Variants in ZBTB7C observed in about 807,000 individuals in gnomAD.
The protein encoded by ZBTB7C is zinc finger and BTB domain-containing protein 7C.
ZBTB7C carries 8 observed loss-of-function variants against 25.7 expected under a neutral mutation model. The ratio of observed to expected loss-of-function variants is 0.31; its 90% CI spans 0.18 to 0.56. ZBTB7C has a LOEUF of 0.56. Ranked by LOEUF, ZBTB7C falls within the 20% of genes least tolerant of loss-of-function variation. The probability of loss-of-function intolerance (pLI) is 0.91; values close to 1 mark genes in which losing one functional copy is unlikely to be tolerated. For synonymous variants in ZBTB7C, 394 were observed against 369.0 expected, an observed-to-expected ratio of 1.07 and a Z score of -0.78; for missense variants, 824 against 855.2, an observed-to-expected ratio of 0.96 and a Z score of 0.46.
At chr18:48,245,087 T>C (rs942762973) in intron 2 of ZBTB7C, among the ~76,000 whole-genome samples, 20 of 69,362 alleles carry the variant, frequency 2.9e-4, no homozygotes, top group Non-Finnish European at 7.1e-4. Flanking sequence ...GTAGTGTGTG[T>C]GTGTGTATAT....
At chr18:48,092,101 A>C (rs2038439559) in intron 3 of ZBTB7C, among the ~76,000 whole-genome samples, 1 of 152,226 alleles carries the variant, frequency 6.6e-6, no homozygotes, top group Non-Finnish European at 1.5e-5. Flanking sequence ...CCATCCACCC[A>C]ATCAGCCCAA....
intron 3 of ZBTB7C, among the ~76,000 whole-genome samples, chr18:48,170,277 C>T (rs1440568249): frequency 6.6e-6 from 1 of 152,262 alleles, no homozygotes; most frequent in African/African-American, 2.4e-5. Context: ...AAGCCCTCTA[C>T]CCACACCCCA....
intron 3 of ZBTB7C, among the ~76,000 whole-genome samples, chr18:48,050,108 T>C (rs533149846): frequency 6.6e-6 from 1 of 152,310 alleles, no homozygotes; most frequent in East Asian, 1.9e-4. Flanking sequence ...AGCGGCTACC[T>C]GCGTTCTTTG....
intron 2 of ZBTB7C, among the ~76,000 whole-genome samples, chr18:48,267,274 T>C (rs572684975): frequency 3.7e-4 from 57 of 152,314 alleles, no homozygotes; most frequent in African/African-American, 1.3e-3. Context: ...CACTGACCAA[T>C]CCCTGGCAAC....
intron 3 of ZBTB7C, among the ~76,000 whole-genome samples, chr18:48,094,770 T>G (rs981278958): frequency 1.3e-5 from 2 of 152,230 alleles, no homozygotes; most frequent in South Asian, 4.1e-4. Flanking sequence ...GGTTTGCATA[T>G]GCATTTACTT....
In ZBTB7C at chr18:48,401,950, A is replaced by G. The variant is rs753262722; in HGVS notation, c.-304+7276T>C. ...TTCATGCCCTTCTTCCCAGGATGCA[A>G]TGATGCTCTCACCCTTCAAGCCACC... On this transcript the variant is annotated intron_variant, in intron 1 of 4. Coordinates refer to ENST00000590800, the MANE Select transcript of ZBTB7C (RefSeq NM_001318841.2). Among the ~76,000 whole-genome samples the G allele has an allele frequency of 2.6e-5, 4 of 152,236 alleles. No homozygotes were observed. The East Asian group carries it at 7.7e-4, about 29-fold the overall frequency.
At position 48,028,282 on chromosome 18, in the gene ZBTB7C, AT is replaced by A. The variant is rs1324617334; in HGVS notation, c.*977del. 6.6e-6 allele frequency: 1 copy of A among 152,168 alleles called. No individual in the cohort carries two copies. Among genetic ancestry groups the A allele is most frequent in the South Asian group, 2.1e-4 (1 of 4,820 alleles). The allele number at this position is 152,168 out of a possible 1,614,324, so 9.4% of individuals were successfully genotyped here. ...GGGGGCACTGGAGATGGGGGTAAAC[AT>A]TAAATAGCGCCCCCAGGAGTCCAGA... is the stretch of plus-strand genomic sequence containing the variant. On this transcript the variant is annotated 3_prime_UTR_variant, in exon 5 of 5. Transcript: ENST00000590800.
chr18:48,242,868 G>T (rs1000980678), intron 2 of ZBTB7C, among the ~76,000 whole-genome samples: 1 of 152,110 alleles, frequency 6.6e-6, no homozygotes, highest in Non-Finnish European at 1.5e-5. Context: ...ACAAGAGAAA[G>T]AAATAAAGGG....
intron 1 of ZBTB7C, among the ~76,000 whole-genome samples, chr18:48,356,901 C>T (rs2145075028): frequency 6.6e-6 from 1 of 152,326 alleles, no homozygotes; most frequent in Admixed American, 6.5e-5. Context: ...GGGTCCCCCT[C>T]ACAGTTCCTA....
intron 3 of ZBTB7C, among the ~76,000 whole-genome samples, chr18:48,117,854 T>C (rs2039494391): frequency 6.6e-6 from 1 of 152,196 alleles, no homozygotes; most frequent in African/African-American, 2.4e-5. Context: ...CATATCCACT[T>C]CACTGTACCT....
chr18:48,098,271 A>G (rs2038710689), intron 3 of ZBTB7C, among the ~76,000 whole-genome samples: 1 of 152,180 alleles, frequency 6.6e-6, no homozygotes, highest in African/African-American at 2.4e-5. Context: ...AGCAGCTTCT[A>G]TGGACCAGGT....
chr18:48,141,143 AC>A (rs201273460), intron 3 of ZBTB7C, among the ~76,000 whole-genome samples: 3 of 96,044 alleles, frequency 3.1e-5, no homozygotes, highest in Non-Finnish European at 4.2e-5. Flanking sequence ...TCCCCCCCGC[AC>A]CACCCCCCCC....
chr18:48,376,822 G>A (rs1307618062), intron 1 of ZBTB7C, among the ~76,000 whole-genome samples: 1 of 152,224 alleles, frequency 6.6e-6, no homozygotes, highest in Non-Finnish European at 1.5e-5. Flanking sequence ...GCATCAATTA[G>A]AGAGTAATGA....
chr18:48,235,226 A>AT (rs983546524), intron 2 of ZBTB7C, among the ~76,000 whole-genome samples: 6 of 151,964 alleles, frequency 3.9e-5, no homozygotes, highest in African/African-American at 1.4e-4. Flanking sequence ...TTTTTCTACC[A>AT]TTTTTTCCTC....
At chr18:48,244,691 C>A (rs1410751583) in intron 2 of ZBTB7C, among the ~76,000 whole-genome samples, 1 of 152,052 alleles carries the variant, frequency 6.6e-6, no homozygotes, top group Non-Finnish European at 1.5e-5. Flanking sequence ...ATGAAAAATA[C>A]TCAACATCAC....
chr18:48,389,229 T>TCG (rs1410808884), intron 1 of ZBTB7C, among the ~76,000 whole-genome samples: 2 of 89,414 alleles, frequency 2.2e-5, no homozygotes, highest in Non-Finnish European at 4.4e-5. Context: ...TCTCTCTCTC[T>TCG]CTCTCTCGTG....
intron 2 of ZBTB7C, among the ~76,000 whole-genome samples, chr18:48,194,149 GA>G (rs2042263825): frequency 6.6e-6 from 1 of 152,212 alleles, no homozygotes; most frequent in Non-Finnish European, 1.5e-5. Flanking sequence ...CCTGTCCAAG[GA>G]ACAAAGGCTT....
At chr18:48,218,572 G>A (rs1174035556) in intron 2 of ZBTB7C, among the ~76,000 whole-genome samples, 1 of 152,216 alleles carries the variant, frequency 6.6e-6, no homozygotes, top group Non-Finnish European at 1.5e-5. Context: ...CTTGAAAGCA[G>A]GGGCCTGGTT....
rs373107783 is a variant in ZBTB7C at position 48,029,665 on chromosome 18, C to T, written c.1455G>A (p.Ala485=). ...ARPRRGRKPA[A]WRAASLLFGP... Reference sequence around the variant, plus strand: ...CGAAGAGCAGGCTGGCGGCCCTCCACGCAGCAGGCTTGCGGCCGCGTCGGG... The same window carrying T: ...CGAAGAGCAGGCTGGCGGCCCTCCATGCAGCAGGCTTGCGGCCGCGTCGGG... Residue 485 remains alanine, a synonymous_variant, in exon 5 of 5, where the codon GCG becomes GCA. Transcript: ENST00000590800. 7 of 1,564,420 alleles carry T rather than the reference C, an allele frequency of 4.5e-6. No homozygotes were observed. The highest frequency in any genetic ancestry group is 4.7e-5 in the East Asian group (2 of 42,266).
Sources: allele counts gnomAD v4.1 joint callset (sites outside exome capture counted in the v4.1 genomes callset), GRCh38; gene constraint gnomAD v4.1.1; transcripts MANE v1.5; gene names NCBI Gene and HGNC (gene_info 2026-07-23, HGNC 2026-07-21).